PDE1C: variants seen among roughly 807,000 people sequenced by gnomAD.
PDE1C encodes phosphodiesterase 1C.
A neutral mutation model predicts 93.1 loss-of-function variants in PDE1C; 62 were observed. The ratio of observed to expected loss-of-function variants is 0.67; its 90% CI spans 0.54 to 0.82. The LOEUF is 0.82. Ranked by LOEUF, PDE1C falls within the 40% of genes least tolerant of loss-of-function variation. The pLI is 0.00. For synonymous variants in PDE1C, 325 were observed against 310.1 expected (o/e 1.05, Z -0.50); for missense variants, 742 against 884.6 (o/e 0.84, Z 2.04).
chr7:32,297,071 A>T (rs1205791551), intron 1 of PDE1C, among the ~76,000 whole-genome samples: 1 of 152,146 alleles, frequency 6.6e-6, no homozygotes, highest in Non-Finnish European at 1.5e-5. Context: ...GATCTAAAGC[A>T]TAGACAAGAT....
intron 1 of PDE1C, among the ~76,000 whole-genome samples, chr7:32,274,840 G>A (rs1183525254): frequency 6.6e-6 from 1 of 152,108 alleles, no homozygotes; most frequent in East Asian, 1.9e-4. Context: ...ATAAATTAAC[G>A]TGTTTACAAT....
the PDE1C span, among the ~76,000 whole-genome samples, chr7:31,645,210 C>T: frequency 1.3e-5 from 2 of 152,124 alleles, no homozygotes; most frequent in African/African-American, 4.8e-5. Context: ...ATATCTAAAT[C>T]TATGTAAGTG....
intron 3 of PDE1C, among the ~76,000 whole-genome samples, chr7:32,142,462 G>A (rs775842372): frequency 3.3e-5 from 5 of 152,048 alleles, no homozygotes; most frequent in Admixed American, 2.6e-4. Flanking sequence ...CAGAAGGGAC[G>A]TGAAAGTGAC....
intron 2 of PDE1C, chr7:31,893,598 G>T: frequency 1.8e-6 from 1 of 562,502 alleles, no homozygotes; most frequent in Non-Finnish European, 2.3e-6. Flanking sequence ...AAAAATATGA[G>T]CTTGATATCG....
the PDE1C span, chr7:31,644,044 G>C: frequency 3.3e-6 from 4 of 1,226,144 alleles, no homozygotes; most frequent in Admixed American, 7.4e-5. Flanking sequence ...CTGAATGCAA[G>C]ATCTCAGGGC....
chr7:31,974,255 A>G (rs369028212), intron 2 of PDE1C, among the ~76,000 whole-genome samples: 1 of 152,290 alleles, frequency 6.6e-6, no homozygotes, highest in East Asian at 1.9e-4. Context: ...TAAACTCTCA[A>G]ATACAGAAAG....
rs150420438 is a variant in PDE1C at position 32,088,622 on chromosome 7, C to T, written c.308+81163G>A. Among the ~76,000 whole-genome samples the T allele has an allele frequency of 6.7e-3, 1,021 of 152,310 alleles. 10 individuals are homozygous for T. Among genetic ancestry groups the T allele is most frequent in the African/African-American group, 0.023 (971 of 41,556 alleles). On this transcript the variant is annotated intron_variant, in intron 3 of 18. Transcript: ENST00000396193. Reference sequence around the variant, plus strand: ...GGCAACAATTGCAATTGATGGCGCTCGCAAGGCTGTGTGATGTCGCTGGGT... The same window carrying T: ...GGCAACAATTGCAATTGATGGCGCTTGCAAGGCTGTGTGATGTCGCTGGGT...
chr7:31,925,285 T>C (rs972364682), intron 2 of PDE1C, among the ~76,000 whole-genome samples: 12 of 152,154 alleles, frequency 7.9e-5, no homozygotes, highest in African/African-American at 2.7e-4. Flanking sequence ...ATGTCTGTTA[T>C]CATCAGCCAG....
At chr7:32,137,217 T>C (rs32311) in intron 3 of PDE1C, among the ~76,000 whole-genome samples, 3,744 of 152,318 alleles carry the variant, frequency 0.025, 146 homozygotes, top group African/African-American at 0.086. Context: ...GATTTCATGC[T>C]GCAAGCAAAG....
intron 9 of PDE1C, among the ~76,000 whole-genome samples, chr7:31,846,182 A>T (rs924246853): frequency 6.6e-6 from 1 of 151,716 alleles, no homozygotes; most frequent in Non-Finnish European, 1.5e-5. Flanking sequence ...ATATTTTCCA[A>T]ACATACGTAT....
intron 1 of PDE1C, among the ~76,000 whole-genome samples, chr7:32,333,260 G>A (rs1334189293): frequency 2.0e-5 from 3 of 152,080 alleles, no homozygotes. Context: ...CAAGTTTTTG[G>A]CCATGATATG....
At chr7:31,734,922 T>C in the PDE1C span, among the ~76,000 whole-genome samples, 1 of 152,176 alleles carries the variant, frequency 6.6e-6, no homozygotes, top group Non-Finnish European at 1.5e-5. Context: ...CCGAGACTAT[T>C]TTAAAAGTTT....
At chr7:31,651,929 T>C in the PDE1C span, 1 of 1,568,612 alleles carries the variant, frequency 6.4e-7, no homozygotes, top group Non-Finnish European at 8.7e-7. Context: ...TTTCTATTAT[T>C]TACTTGCAGG....
chr7:31,975,187 C>T (rs183739137), intron 2 of PDE1C, among the ~76,000 whole-genome samples: 16 of 152,276 alleles, frequency 1.1e-4, no homozygotes, highest in African/African-American at 3.6e-4. Context: ...AGTCTTCCTC[C>T]CCACAGCTTC....
intron 1 of PDE1C, among the ~76,000 whole-genome samples, chr7:32,304,943 A>C (rs1812962679): frequency 6.6e-6 from 1 of 152,176 alleles, no homozygotes; most frequent in Non-Finnish European, 1.5e-5. Flanking sequence ...TTTTCTACAG[A>C]GTGCTTAAGT....
intron 6 of PDE1C, among the ~76,000 whole-genome samples, chr7:31,872,088 T>C (rs947407695): frequency 2.0e-5 from 3 of 152,096 alleles, no homozygotes; most frequent in Non-Finnish European, 4.4e-5. Flanking sequence ...ATGGATAGAA[T>C]TGGAAGTTAT....
At chr7:31,740,524 G>T in the PDE1C span, among the ~76,000 whole-genome samples, 14 of 152,102 alleles carry the variant, frequency 9.2e-5, no homozygotes, top group African/African-American at 3.1e-4. Flanking sequence ...TAACAAAATT[G>T]AAATAAGATC....
chr7:32,069,734 G>GC (rs1224735444), intron 1 of PDE1C, among the ~76,000 whole-genome samples: 8 of 151,894 alleles, frequency 5.3e-5, no homozygotes, highest in Non-Finnish European at 7.4e-5. Flanking sequence ...TATCGTTTCT[G>GC]CCCCCCCTTT....
At chr7:31,991,268 C>T (rs2392015) in intron 2 of PDE1C, among the ~76,000 whole-genome samples, 51,377 of 152,030 alleles carry the variant, frequency 0.34, 11,047 homozygotes, top group African/African-American at 0.61. Context: ...TGAGGAAACA[C>T]TGGGCAATGG....
Sources: allele counts gnomAD v4.1 joint callset (sites outside exome capture counted in the v4.1 genomes callset), GRCh38; gene constraint gnomAD v4.1.1; transcripts MANE v1.5; gene names NCBI Gene and HGNC (gene_info 2026-07-23, HGNC 2026-07-21).